OR4D9: variants seen among roughly 807,000 people sequenced by gnomAD.
OR4D9 encodes olfactory receptor family 4 subfamily D member 9, also known as olfactory receptor 4D9.
OR4D9 carries 2 observed loss-of-function variants against 0.8 expected under a neutral mutation model. The ratio of observed to expected loss-of-function variants is 2.58; its 90% CI spans 1.06 to 8.13. The LOEUF (loss-of-function observed/expected upper bound fraction) is 8.13. OR4D9 is among the 30% of genes most tolerant of loss of function. OR4D9 has a pLI of 0.04. For missense variants in OR4D9, 399 were observed against 384.7 expected (o/e 1.04, Z -0.31); for synonymous variants, 146 against 151.2 (o/e 0.97, Z 0.25).
Position 59,511,728 on chromosome 11 carries a change from TAAG to T in OR4D9, c.-139_-137del, listed in dbSNP as rs1016894809. On this transcript the variant is annotated 5_prime_UTR_variant, in exon 1 of 3. Coordinates refer to ENST00000641962, the MANE Select transcript of OR4D9 (RefSeq NM_001004711.2). ...ATGTTCCTATGGAAGTCAAGACTCT[TAAG>T]AAGCAAAGAAAAGAGGTAGTTTTTC... The T allele has an allele frequency of 1.3e-5, 2 of 152,204 alleles. No homozygotes were observed. The highest frequency in any genetic ancestry group is 2.4e-5 in the African/African-American group (1 of 41,438). 9.4% of individuals were successfully genotyped at this position (152,204 alleles called of 1,614,324 possible). A position where few individuals can be genotyped will look rare whatever the true frequency, so the allele number is the denominator to read the frequency against.
In OR4D9 at chr11:59,515,602, G is replaced by A; in HGVS notation, c.690G>A (p.Gly230=). ...TGATGATGCTGAGGTCTCACACTGG[G>A]GAAGGCAGGAGGAAAGCCATCTCCA... ...VILMMLRSHT[G]EGRRKAISTC... The change falls in exon 3 of 3, where the codon GGG becomes GGA. Residue 230 remains glycine, a synonymous_variant. Transcript: ENST00000641962. 1 of 1,613,970 alleles carries A rather than the reference G, an allele frequency of 6.2e-7. No homozygotes were observed. Among genetic ancestry groups the A allele is most frequent in the Non-Finnish European group, 8.5e-7 (1 of 1,180,020 alleles).
Position 59,516,098 on chromosome 11 carries a change from C to A in OR4D9, c.*241C>A. ...TCCACAAATTTTTATAGAGCATACA[C>A]TATATGTCTGAAAGTACTGGGATTC... On this transcript the variant is annotated 3_prime_UTR_variant, in exon 3 of 3. Transcript: ENST00000641962. 1 of 427,476 alleles carries A rather than the reference C, an allele frequency of 2.3e-6. No individual in the cohort carries two copies. The highest frequency in any genetic ancestry group is 4.1e-6 in the Non-Finnish European group (1 of 241,610). The allele number at this position is 427,476 out of a possible 1,614,324, so 26.5% of individuals were successfully genotyped here. A position where few individuals can be genotyped will look rare whatever the true frequency, so the allele number is the denominator to read the frequency against.
At chr11:59,511,939 T>C (rs1859332080) in intron 1 of OR4D9, among the ~76,000 whole-genome samples, 193 bp downstream of exon 1, 1 of 152,182 alleles carries the variant, frequency 6.6e-6, no homozygotes. Context: ...AGGCAGTAAT[T>C]CCTGAGTTTA....
At position 59,515,579 on chromosome 11, in the gene OR4D9, A is replaced by T. The variant is rs903911573; in HGVS notation, c.667A>T (p.Met223Leu). 9 of 1,613,996 alleles carry T rather than the reference A, an allele frequency of 5.6e-6. No homozygotes were observed. The African/African-American group carries it at 1.2e-4, about 22-fold the overall frequency. Residue 223 changes from methionine to leucine, a missense_variant, in exon 3 of 3, where the codon ATG becomes TTG. Coordinates refer to ENST00000641962, the MANE Select transcript of OR4D9 (RefSeq NM_001004711.2). ...CCTCATATCTTACACGGTCATCTTGATGATGCTGAGGTCTCACACTGGGGA... is the reference window on the plus strand; with the variant it reads ...CCTCATATCTTACACGGTCATCTTGTTGATGCTGAGGTCTCACACTGGGGA... ...FLLISYTVIL[M>L]MLRSHTGEGR...
rs1158973795 is a variant in OR4D9, at chr11:59,518,585, A to T, written c.*2728A>T. 2.0e-5 allele frequency: 3 copies of T among 152,206 alleles called. No homozygotes were observed. The highest frequency in any genetic ancestry group is 7.2e-5 in the African/African-American group (3 of 41,442). The allele number at this position is 152,206 out of a possible 1,614,324, so 9.4% of individuals were successfully genotyped here. A position where few individuals can be genotyped will look rare whatever the true frequency, so the allele number is the denominator to read the frequency against. ...TTTATTTTCATAGAGATGAGGTCTC[A>T]CTAAGTTGCCCAGGCTGGTTGAAAT... On this transcript the variant is annotated 3_prime_UTR_variant, in exon 3 of 3. Transcript: ENST00000641962.
Position 59,516,002 on chromosome 11 carries a change from G to A in OR4D9, c.*145G>A. On this transcript the variant is annotated 3_prime_UTR_variant, in exon 3 of 3. Coordinates refer to ENST00000641962, the MANE Select transcript of OR4D9 (RefSeq NM_001004711.2). ...AAGTTATTCCATCATATATGTTGGG[G>A]ACCACGTGGATGATACTGCTCTAAG... 3 of 633,180 alleles carry A rather than the reference G, an allele frequency of 4.7e-6. No homozygotes were observed. In the South Asian group the frequency reaches 6.4e-5, roughly 13 times the overall value. The allele number at this position is 633,180 out of a possible 1,614,324, so 39.2% of individuals were successfully genotyped here. A position where few individuals can be genotyped will look rare whatever the true frequency, so the allele number is the denominator to read the frequency against.
At chr11:59,514,003 A>G (rs1306889174) in intron 1 of OR4D9, among the ~76,000 whole-genome samples, 7 of 152,110 alleles carry the variant, frequency 4.6e-5, no homozygotes, top group Admixed American at 4.6e-4. Flanking sequence ...GCTGCTATGA[A>G]TATTCTAGGA....
rs1427641159 is a variant in OR4D9 at position 59,514,771 on chromosome 11, G to C, written c.-31+5G>C. ...GCATACTGACTTGCAGACACAGTGA[G>C]TGCATAGGGAAAAGAGCTTCCTCCT... On this transcript the variant is annotated splice_donor_5th_base_variant and intron_variant, in intron 2 of 2. Coordinates refer to ENST00000641962, the MANE Select transcript of OR4D9 (RefSeq NM_001004711.2). 3.2e-6 allele frequency: 2 copies of C among 618,960 alleles called. No individual in the cohort carries two copies. The highest frequency in any genetic ancestry group is 5.7e-6 in the Non-Finnish European group (2 of 353,228). The allele number at this position is 618,960 out of a possible 1,614,324, so 38.3% of individuals were successfully genotyped here. A position where few individuals can be genotyped will look rare whatever the true frequency, so the allele number is the denominator to read the frequency against.
Position 59,514,681 on chromosome 11 carries a change from G to A in OR4D9, c.-116G>A, listed in dbSNP as rs148249027. On this transcript the variant is annotated 5_prime_UTR_variant, in exon 2 of 3. The change creates a new upstream start codon in the 5' untranslated region. Coordinates refer to ENST00000641962, the MANE Select transcript of OR4D9 (RefSeq NM_001004711.2). ...TGCAACCTCTGTTTCAGCAGCAGCA[G>A]TGAGAGAACTTTGTCTCCTGGGATG... 459 of 430,566 alleles carry A rather than the reference G, an allele frequency of 1.1e-3. 1 individual carries two copies. Among genetic ancestry groups the A allele is most frequent in the African/African-American group, 8.3e-3 (411 of 49,432 alleles). The allele number at this position is 430,566 out of a possible 1,614,324, so 26.7% of individuals were successfully genotyped here.
intron 1 of OR4D9, among the ~76,000 whole-genome samples, chr11:59,512,837 AAAC>A (rs748794356): frequency 9.9e-4 from 151 of 152,302 alleles, no homozygotes; most frequent in Non-Finnish European, 1.9e-3. Context: ...TGTCTCAAAA[AAAC>A]AACAACACAA....
rs1859452980 is a variant in OR4D9, at chr11:59,519,753, A to G, written c.*3896A>G. ...AAAGAAAATAAATTATTCTACCAAA[A>G]AGACACATGCACCTGTATGTTCACA... On this transcript the variant is annotated 3_prime_UTR_variant, in exon 3 of 3. Coordinates refer to ENST00000641962, the MANE Select transcript of OR4D9 (RefSeq NM_001004711.2). The G allele has an allele frequency of 6.6e-6, 1 of 152,204 alleles. No individual in the cohort carries two copies. The highest frequency in any genetic ancestry group is 2.4e-5 in the African/African-American group (1 of 41,446). 9.4% of individuals were successfully genotyped at this position (152,204 alleles called of 1,614,324 possible). A position where few individuals can be genotyped will look rare whatever the true frequency, so the allele number is the denominator to read the frequency against.
At position 59,512,202 on chromosome 11, in the gene OR4D9, T is replaced by C. The variant is rs538751610; in HGVS notation, c.-125+456T>C. 3.3e-5 allele frequency among the ~76,000 whole-genome samples: 5 copies of C among 152,014 alleles called. 1 individual carries two copies. The East Asian group carries it at 9.7e-4, about 29-fold the overall frequency. On this transcript the variant is annotated intron_variant, in intron 1 of 2. Transcript: ENST00000641962. ...GAATTTGCTCAATGGGATGCTGGGG[T>C]ATGGGGGGGAATCCTCAGTTTGCAG... is the stretch of plus-strand genomic sequence containing the variant.
chr11:59,516,352 G>A lies in OR4D9; in HGVS notation c.*495G>A, dbSNP rs1859404330. 1 of 153,240 alleles carries A rather than the reference G, an allele frequency of 6.5e-6. No homozygotes were observed. The highest frequency in any genetic ancestry group is 2.1e-4 in the South Asian group (1 of 4,860). The allele number at this position is 153,240 out of a possible 1,614,324, so 9.5% of individuals were successfully genotyped here. On this transcript the variant is annotated 3_prime_UTR_variant, in exon 3 of 3. Transcript: ENST00000641962. ...CAAAGAAAAATAGGCCAGGCATGGT[G>A]GCGCATGCCTGTAATCCCAGCTACT... is the stretch of plus-strand genomic sequence containing the variant.
At position 59,515,096 on chromosome 11, in the gene OR4D9, C is replaced by T; in HGVS notation, c.184C>T (p.Leu62=). The stretch of plus-strand genomic sequence containing the variant: ...TCACCTTCATACGCCCATGTACTTC[C>T]TGCTCCGCAACCTGTCTATTCTTGA... ...ESHLHTPMYF[L]LRNLSILDIC... The change falls in exon 3 of 3, where the codon CTG becomes TTG. Residue 62 remains leucine, a synonymous_variant. Transcript: ENST00000641962. 9.9e-6 allele frequency: 16 copies of T among 1,614,200 alleles called. No individual in the cohort carries two copies. Among genetic ancestry groups the T allele is most frequent in the Non-Finnish European group, 1.4e-5 (16 of 1,180,040 alleles).
At position 59,517,624 on chromosome 11, in the gene OR4D9, G is replaced by A. The variant is rs766520138; in HGVS notation, c.*1767G>A. ...AGGCGGGTGGATCACGAGGTTAGGA[G>A]ATCGAGGCCAGCTTGACCAACATGG... On this transcript the variant is annotated 3_prime_UTR_variant, in exon 3 of 3. Transcript: ENST00000641962. The A allele has an allele frequency of 6.6e-6, 1 of 152,208 alleles. No individual in the cohort carries two copies. The highest frequency in any genetic ancestry group is 1.5e-5 in the Non-Finnish European group (1 of 68,040). 9.4% of individuals were successfully genotyped at this position (152,208 alleles called of 1,614,324 possible).
chr11:59,517,896 A>T lies in OR4D9; in HGVS notation c.*2039A>T, dbSNP rs1438924896. The T allele has an allele frequency of 1.3e-5, 2 of 152,166 alleles. No individual in the cohort carries two copies. The highest frequency in any genetic ancestry group is 4.8e-5 in the African/African-American group (2 of 41,432). The allele number at this position is 152,166 out of a possible 1,614,324, so 9.4% of individuals were successfully genotyped here. A position where few individuals can be genotyped will look rare whatever the true frequency, so the allele number is the denominator to read the frequency against. On this transcript the variant is annotated 3_prime_UTR_variant, in exon 3 of 3. Transcript: ENST00000641962. ...CAGCTCCTTTGATTTTGAGAAAAAA[A>T]TGAGCAAAGGCAGATGCCAAGCTCT...
At position 59,520,462 on chromosome 11, in the gene OR4D9, G is replaced by T. The variant is rs2134590182; in HGVS notation, c.*4605G>T. On this transcript the variant is annotated 3_prime_UTR_variant, in exon 3 of 3. Transcript: ENST00000641962. ...ACATCACACTCTAGGGACTGTTGTG[G>T]GGTGGGGGGAGGGGGGAGGGATAGC... 1 of 117,180 alleles carries T rather than the reference G, an allele frequency of 8.5e-6. No homozygotes were observed. The highest frequency in any genetic ancestry group is 3.1e-4 in the East Asian group (1 of 3,196). The allele number at this position is 117,180 out of a possible 1,614,324, so 7.3% of individuals were successfully genotyped here. A position where few individuals can be genotyped will look rare whatever the true frequency, so the allele number is the denominator to read the frequency against.
intron 1 of OR4D9, among the ~76,000 whole-genome samples, chr11:59,512,476 CAAAA>C (rs908219759): frequency 9.9e-5 from 5 of 50,480 alleles, no homozygotes; most frequent in Admixed American, 2.5e-4. Flanking sequence ...GACTCCATCT[CAAAA>C]AAAAAAAAAA....
At chr11:59,513,117 C>T (rs997319123) in intron 1 of OR4D9, among the ~76,000 whole-genome samples, 3 of 152,020 alleles carry the variant, frequency 2.0e-5, no homozygotes, top group Non-Finnish European at 4.4e-5. Context: ...GCTCTGTCAC[C>T]AGGCTGGAGT....
Sources: gnomAD v4.1 joint callset for allele counts (sites outside exome capture counted in the v4.1 genomes callset) on GRCh38, gnomAD v4.1.1 for gene constraint, MANE v1.5 for transcripts, NCBI Gene and HGNC (gene_info 2026-07-23, HGNC 2026-07-21) for gene names.